The following GAB1 variants were observed in gnomAD, a reference collection of about 807,000 sequenced individuals.
GAB1 encodes the protein GRB2 associated binding protein 1.
Under a neutral mutation model 66.5 loss-of-function variants are expected in GAB1, and 19 were observed. That is an observed-to-expected ratio of 0.29 (90% confidence interval 0.20 to 0.42). The LOEUF (loss-of-function observed/expected upper bound fraction) is 0.42. GAB1 is among the 10% of genes least tolerant of loss of function. GAB1 has a pLI of 1.00. For missense variants in GAB1, 732 were observed against 858.5 expected, an observed-to-expected ratio of 0.85 and a Z score of 1.84; for synonymous variants, 294 against 301.4, an observed-to-expected ratio of 0.98 and a Z score of 0.25.
rs869217712 is a variant in GAB1, at chr4:143,438,713, A to AT, written c.1195+120dup. 2.8e-5 allele frequency: 31 copies of AT among 1,122,216 alleles called. No individual in the cohort carries two copies. In the East Asian group the frequency reaches 6.6e-4, roughly 24 times the overall value. 69.5% of individuals were successfully genotyped at this position (1,122,216 alleles called of 1,614,324 possible). A position where few individuals can be genotyped will look rare whatever the true frequency, so the allele number is the denominator to read the frequency against. ...TATACTATGCTACAAAATACAGTCC[A>AT]TTTTTTTCCAGCTCTACAGCTACCT... On this transcript the variant is annotated intron_variant, in intron 4 of 9. Transcript: ENST00000262994.
intron 8 of GAB1, among the ~76,000 whole-genome samples, chr4:143,462,077 C>A (rs1373464960): frequency 1.3e-5 from 2 of 152,012 alleles, no homozygotes; most frequent in Non-Finnish European, 2.9e-5. Flanking sequence ...CATAGCGAGA[C>A]CTCATCTATA....
At chr4:143,337,713 T>A (rs565663447) in intron 1 of GAB1, among the ~76,000 whole-genome samples, 11 of 152,134 alleles carry the variant, frequency 7.2e-5, no homozygotes, top group Non-Finnish European at 1.2e-4. Flanking sequence ...TGGTGGGCGC[T>A]CCCTCTCCTC....
chr4:143,425,371 T>G (rs1733284090), intron 2 of GAB1: 1 of 760,744 alleles, frequency 1.3e-6, no homozygotes, highest in Non-Finnish European at 2.4e-6. Context: ...CCTGGAACCT[T>G]CAGATGCAGA....
intron 6 of GAB1, chr4:143,457,565 G>T: frequency 1.9e-6 from 1 of 517,456 alleles, no homozygotes; most frequent in Non-Finnish European, 3.3e-6. Flanking sequence ...CATGCTTTTA[G>T]ATGTAACATT....
intron 9 of GAB1, 145 bp downstream of exon 9, chr4:143,466,370 C>T (rs1735788240): frequency 1.7e-6 from 1 of 588,074 alleles, no homozygotes; most frequent in Non-Finnish European, 2.6e-6. Flanking sequence ...TCTCATAAAA[C>T]AAAAATAACA....
chr4:143,398,343 T>C (rs1731567465), intron 1 of GAB1, among the ~76,000 whole-genome samples: 1 of 152,228 alleles, frequency 6.6e-6, no homozygotes, highest in African/African-American at 2.4e-5. Flanking sequence ...GGATCTCTCA[T>C]TTGATTTTTA....
At chr4:143,343,931 C>A (rs183718328) in intron 1 of GAB1, among the ~76,000 whole-genome samples, 74 of 152,318 alleles carry the variant, frequency 4.9e-4, no homozygotes, top group African/African-American at 1.8e-3. Context: ...CTGCTAAGAT[C>A]TAATGTTCCT....
At chr4:143,346,179 A>G (rs987127378) in intron 1 of GAB1, among the ~76,000 whole-genome samples, 2 of 152,244 alleles carry the variant, frequency 1.3e-5, no homozygotes, top group African/African-American at 4.8e-5. Flanking sequence ...CAATCTTTAC[A>G]CACACATTCT....
chr4:143,427,348 AG>A (rs1733416353), intron 2 of GAB1, among the ~76,000 whole-genome samples: 1 of 152,280 alleles, frequency 6.6e-6, no homozygotes, highest in East Asian at 1.9e-4. Context: ...TCCTGGCAAA[AG>A]GGGCCATCAT....
chr4:143,453,408 G>A (rs1450723687), intron 6 of GAB1, among the ~76,000 whole-genome samples: 4 of 152,050 alleles, frequency 2.6e-5, no homozygotes, highest in Non-Finnish European at 5.9e-5. Context: ...AGAAGAACTC[G>A]AGTGAAAGGC....
At chr4:143,372,957 A>T (rs1730199645) in intron 1 of GAB1, among the ~76,000 whole-genome samples, 1 of 152,116 alleles carries the variant, frequency 6.6e-6, no homozygotes, top group East Asian at 1.9e-4. Flanking sequence ...TGTGGTTTCA[A>T]CTTAGGTAAT....
At chr4:143,426,091 T>C (rs1733340282) in intron 2 of GAB1, 1 of 520,794 alleles carries the variant, frequency 1.9e-6, no homozygotes, top group South Asian at 2.7e-5. Context: ...TGGAGTATAG[T>C]AAAGATAAAA....
chr4:143,421,055 C>G (rs1369097340), intron 2 of GAB1, among the ~76,000 whole-genome samples: 2 of 152,010 alleles, frequency 1.3e-5, no homozygotes, highest in Non-Finnish European at 2.9e-5. Context: ...TACTCTTCCC[C>G]TCCCCTAGAA....
chr4:143,459,234 G>T, intron 6 of GAB1, 151 bp from the exon 7 acceptor site: 1 of 609,266 alleles, frequency 1.6e-6, no homozygotes. Flanking sequence ...GGCAAATCAT[G>T]TAACATTCAT....
chr4:143,385,955 C>T (rs1204992938), intron 1 of GAB1, among the ~76,000 whole-genome samples: 2 of 152,086 alleles, frequency 1.3e-5, no homozygotes, highest in African/African-American at 4.8e-5. Context: ...GCCGGAGCAA[C>T]ATGGTGAAAC....
At chr4:143,340,575 A>G (rs1728793149) in intron 1 of GAB1, among the ~76,000 whole-genome samples, 1 of 152,146 alleles carries the variant, frequency 6.6e-6, no homozygotes, top group South Asian at 2.1e-4. Context: ...CAGTGGCACT[A>G]TCTCGGCTCA....
chr4:143,392,941 C>A (rs1731253450), intron 1 of GAB1, among the ~76,000 whole-genome samples: 1 of 152,126 alleles, frequency 6.6e-6, no homozygotes. Flanking sequence ...TTAGTGATAG[C>A]AGTACCTTTT....
intron 6 of GAB1, among the ~76,000 whole-genome samples, chr4:143,457,964 C>T (rs1214627755): frequency 6.6e-6 from 1 of 152,102 alleles, no homozygotes; most frequent in Non-Finnish European, 1.5e-5. Flanking sequence ...TTAACAACAG[C>T]ATGTTAAATA....
At chr4:143,341,144 A>C (rs893708185) in intron 1 of GAB1, among the ~76,000 whole-genome samples, 2 of 152,128 alleles carry the variant, frequency 1.3e-5, no homozygotes, top group South Asian at 4.1e-4. Flanking sequence ...GCTTCTTTTC[A>C]GGGTTGCTAC....
Sources: allele counts gnomAD v4.1 joint callset (sites outside exome capture counted in the v4.1 genomes callset), GRCh38; gene constraint gnomAD v4.1.1; transcripts MANE v1.5; gene names NCBI Gene and HGNC (gene_info 2026-07-23, HGNC 2026-07-21).